RALGPS1: variants seen among roughly 807,000 people sequenced by gnomAD.
The protein encoded by RALGPS1 is ras-specific guanine nucleotide-releasing factor RalGPS1.
A neutral mutation model predicts 78.8 loss-of-function variants in RALGPS1; 19 were observed. That is an observed-to-expected ratio of 0.24 (90% CI 0.17 to 0.35). RALGPS1 has a LOEUF of 0.35. RALGPS1 is among the 10% of genes least tolerant of loss of function. RALGPS1 has a pLI of 1.00. For synonymous variants in RALGPS1, 228 were observed against 256.3 expected (o/e 0.89, Z 1.06); for missense variants, 454 against 688.3 (o/e 0.66, Z 3.81).
chr9:126,967,329 CTCTT>C lies in RALGPS1; in HGVS notation c.165+1383_165+1386del, dbSNP rs71901806. 9.0e-3 allele frequency among the ~76,000 whole-genome samples: 1,377 copies of C among 152,296 alleles called. 25 individuals carry two copies. Among genetic ancestry groups the C allele is most frequent in the African/African-American group, 0.031 (1,307 of 41,556 alleles). Reference sequence around the variant, plus strand: ...CCCCACCTCTGTGCTCTCCCACTGTCTCTTTCTTCCCCAGGCTCACCTGCATCCT... The same window carrying C: ...CCCCACCTCTGTGCTCTCCCACTGTCTCTTCCCCAGGCTCACCTGCATCCT... On this transcript the variant is annotated intron_variant, in intron 3 of 18. Coordinates refer to ENST00000259351, the MANE Select transcript of RALGPS1 (RefSeq NM_014636.3).
intron 4 of RALGPS1, chr9:126,989,857 T>G: frequency 6.5e-7 from 1 of 1,548,656 alleles, no homozygotes; most frequent in Admixed American, 2.0e-5. Context: ...GAGCTTGACT[T>G]GACCAGCATC....
At chr9:127,014,656 C>A (rs1222316794) in intron 4 of RALGPS1, among the ~76,000 whole-genome samples, 1 of 152,136 alleles carries the variant, frequency 6.6e-6, no homozygotes, top group Non-Finnish European at 1.5e-5. Context: ...TTGCTGCATA[C>A]TGAATTCGGC....
intron 1 of RALGPS1, among the ~76,000 whole-genome samples, chr9:126,944,498 C>T (rs1184648026): frequency 6.6e-6 from 1 of 151,146 alleles, no homozygotes; most frequent in Non-Finnish European, 1.5e-5. Context: ...GGGCTGCAGT[C>T]CTCCCATAAT....
chr9:127,076,724 C>T lies in RALGPS1; in HGVS notation c.610+7368C>T, dbSNP rs528628041. Among the ~76,000 whole-genome samples, 4 of 152,320 alleles carry T rather than the reference C, an allele frequency of 2.6e-5. No individual in the cohort carries two copies. In the East Asian group the frequency reaches 7.7e-4, roughly 29 times the overall value. On this transcript the variant is annotated intron_variant, in intron 8 of 18. Coordinates refer to ENST00000259351, the MANE Select transcript of RALGPS1 (RefSeq NM_014636.3). ...AGACACCACCCCTGCCCTCATGGAG[C>T]TCACAGTCCAGTTGTGATCACCAGC... is the stretch of plus-strand genomic sequence containing the variant.
intron 4 of RALGPS1, among the ~76,000 whole-genome samples, chr9:127,021,822 G>A (rs567736348): frequency 6.6e-6 from 1 of 152,126 alleles, no homozygotes; most frequent in Admixed American, 6.5e-5. Flanking sequence ...TCCGCTAATC[G>A]GGCTCTTTCT....
chr9:127,003,612 G>T (rs1430863169), intron 4 of RALGPS1, among the ~76,000 whole-genome samples: 2 of 152,152 alleles, frequency 1.3e-5, no homozygotes, highest in Non-Finnish European at 2.9e-5. Context: ...CAATGTGTGG[G>T]AGTGAAATTG....
At chr9:126,975,429 T>G (rs2040512599) in intron 3 of RALGPS1, among the ~76,000 whole-genome samples, 1 of 152,220 alleles carries the variant, frequency 6.6e-6, no homozygotes, top group Admixed American at 6.5e-5. Context: ...CATTTTCACA[T>G]TAGCAGACGT....
At chr9:127,038,248 TA>T (rs1344289471) in intron 5 of RALGPS1, among the ~76,000 whole-genome samples, 1 of 152,262 alleles carries the variant, frequency 6.6e-6, no homozygotes, top group African/African-American at 2.4e-5. Context: ...GATACTATGC[TA>T]AGCATTTTAC....
At chr9:127,168,650 A>G in intron 9 of RALGPS1, 29 bp from the exon 10 acceptor site, 1 of 1,521,216 alleles carries the variant, frequency 6.6e-7, no homozygotes, top group Non-Finnish European at 9.1e-7. Context: ...GAGAGCCTAA[A>G]GTTTCTGGAT....
intron 1 of RALGPS1, among the ~76,000 whole-genome samples, chr9:126,918,282 G>A (rs1015548319): frequency 2.6e-5 from 4 of 152,172 alleles, no homozygotes; most frequent in African/African-American, 9.7e-5. Flanking sequence ...GGTTGCAATC[G>A]TACGTATGTA....
At chr9:126,988,973 A>G (rs187024293) in intron 4 of RALGPS1, among the ~76,000 whole-genome samples, 55 of 152,254 alleles carry the variant, frequency 3.6e-4, no homozygotes, top group African/African-American at 1.2e-3. Flanking sequence ...CGATGGCCTG[A>G]AAAAAGGCTG....
chr9:127,073,454 G>GTGTGTGTC (rs1246732961), intron 8 of RALGPS1, among the ~76,000 whole-genome samples: 1 of 132,932 alleles, frequency 7.5e-6, no homozygotes, highest in African/African-American at 3.5e-5. Flanking sequence ...CATTGTGTGT[G>GTGTGTGTC]TGTGTGTGTG....
At chr9:127,097,234 T>A (rs973136276) in intron 8 of RALGPS1, among the ~76,000 whole-genome samples, 2 of 152,272 alleles carry the variant, frequency 1.3e-5, no homozygotes, top group African/African-American at 4.8e-5. Flanking sequence ...TTTCAACGAT[T>A]GTAGTGTCTG....
intron 11 of RALGPS1, among the ~76,000 whole-genome samples, chr9:127,188,960 A>T (rs1339804083): frequency 7.7e-6 from 1 of 129,886 alleles, no homozygotes; most frequent in African/African-American, 2.9e-5. Context: ...AGATGGCACC[A>T]CTGCACTCCA....
chr9:126,923,351 G>A (rs773088949), intron 1 of RALGPS1, among the ~76,000 whole-genome samples: 2 of 152,288 alleles, frequency 1.3e-5, no homozygotes, highest in African/African-American at 2.4e-5. Flanking sequence ...GGGTCCTAAC[G>A]CCTCAAGTGC....
intron 4 of RALGPS1, among the ~76,000 whole-genome samples, chr9:127,001,985 T>A (rs1393900389): frequency 6.6e-6 from 1 of 152,202 alleles, no homozygotes; most frequent in African/African-American, 2.4e-5. Flanking sequence ...TTTAAAGAAA[T>A]TTTTTAAAAT....
chr9:127,111,825 C>G (rs2054844460), intron 8 of RALGPS1, among the ~76,000 whole-genome samples: 2 of 152,222 alleles, frequency 1.3e-5, no homozygotes, highest in Admixed American at 1.3e-4. Flanking sequence ...GGGCTCAACC[C>G]TGGTCTGCTG....
In RALGPS1 at chr9:126,965,912, T is replaced by A; in HGVS notation, c.126T>A (p.Val42=). 6.2e-7 allele frequency: 1 copy of A among 1,614,134 alleles called. No homozygotes were observed. The highest frequency in any genetic ancestry group is 1.1e-5 in the South Asian group (1 of 91,084). Residue 42 remains valine, a synonymous_variant, in exon 3 of 19, where the codon GTT becomes GTA. Coordinates refer to ENST00000259351, the MANE Select transcript of RALGPS1 (RefSeq NM_014636.3). ...ATGCCAGCAAGAGCTATGATGCCGT[T>A]GTCTTCGATGTCTTGAAAGTGACCC... The part of the protein sequence containing the change: ...CDYASKSYDA[V]VFDVLKVTPE...
intron 4 of RALGPS1, 109 bp from the exon 5 acceptor site, chr9:127,034,322 G>A: frequency 1.1e-6 from 1 of 935,892 alleles, no homozygotes; most frequent in Non-Finnish European, 1.7e-6. Flanking sequence ...AACAGCCAAG[G>A]TGTCAGCCCT....
Sources: gnomAD v4.1 joint callset for allele counts (sites outside exome capture counted in the v4.1 genomes callset) on GRCh38, gnomAD v4.1.1 for gene constraint, MANE v1.5 for transcripts, NCBI Gene and HGNC (gene_info 2026-07-23, HGNC 2026-07-21) for gene names.